TSPEAR: variants seen among roughly 807,000 people sequenced by gnomAD.
TSPEAR encodes thrombospondin-type laminin G domain and EAR repeat-containing protein.
TSPEAR carries 69 observed loss-of-function variants against 71.6 expected under a neutral mutation model. That is an observed-to-expected ratio of 0.96 (90% CI 0.79 to 1.18). The LOEUF (loss-of-function observed/expected upper bound fraction) is 1.18, where lower values mean the gene tolerates loss of function less well. Among genes scored for constraint, TSPEAR ranks in the 50% most tolerant of loss-of-function variants. The pLI is 0.00. For missense variants in TSPEAR, 971 were observed against 894.9 expected (o/e 1.09, Z -1.09); for synonymous variants, 402 against 387.2 (o/e 1.04, Z -0.45).
intron 9 of TSPEAR, among the ~76,000 whole-genome samples, chr21:44,513,710 G>A (rs2052467706): frequency 6.6e-6 from 1 of 152,186 alleles, no homozygotes; most frequent in Admixed American, 6.5e-5. Flanking sequence ...AGAGGCCCTT[G>A]GGTTCCGGCT....
intron 1 of TSPEAR, chr21:44,574,935 C>A: frequency 6.2e-7 from 1 of 1,605,118 alleles, no homozygotes; most frequent in Non-Finnish European, 8.5e-7. Context: ...CAGCTGCTGC[C>A]GCCCAGCCTC....
intron 1 of TSPEAR, among the ~76,000 whole-genome samples, chr21:44,662,815 G>A (rs944060827): frequency 6.6e-6 from 1 of 152,048 alleles, no homozygotes; most frequent in Non-Finnish European, 1.5e-5. Flanking sequence ...AAAGGATAGC[G>A]AGAAACACCC....
intron 9 of TSPEAR, among the ~76,000 whole-genome samples, chr21:44,510,230 C>T (rs1186812860): frequency 1.3e-5 from 2 of 152,164 alleles, no homozygotes; most frequent in African/African-American, 4.8e-5. Context: ...GGCTGCTTCC[C>T]TGGGGACAGT....
At chr21:44,572,982 G>T (rs587650851) in intron 1 of TSPEAR, among the ~76,000 whole-genome samples, 1 of 151,828 alleles carries the variant, frequency 6.6e-6, no homozygotes, top group Non-Finnish European at 1.5e-5. Context: ...TGAGGGGAGC[G>T]GGGTGAGACA....
At position 44,683,199 on chromosome 21, in the gene TSPEAR, A is replaced by G. The variant is rs148816620; in HGVS notation, c.82+28234T>C. Among the ~76,000 whole-genome samples the G allele has an allele frequency of 1.1e-4, 16 of 152,258 alleles. No homozygotes were observed. In the East Asian group the frequency reaches 3.1e-3, roughly 29 times the overall value. ...GAATGTGAGTCCCACCAAGATACAG[A>G]GTGTTCCAAGTTGTAGATGCTTCCC... On this transcript the variant is annotated intron_variant, in intron 1 of 11. Coordinates refer to ENST00000323084, the MANE Select transcript of TSPEAR (RefSeq NM_144991.3).
intron 1 of TSPEAR, chr21:44,574,834 C>A: frequency 6.2e-7 from 1 of 1,614,024 alleles, no homozygotes; most frequent in Non-Finnish European, 8.5e-7. Flanking sequence ...AGACCCTCCT[C>A]CTCCGTGTCC....
At chr21:44,681,891 G>A in intron 1 of TSPEAR, 2 of 1,614,160 alleles carry the variant, frequency 1.2e-6, no homozygotes, top group Non-Finnish European at 1.7e-6. Flanking sequence ...GGTGCAGGAA[G>A]GCTGGCAGCA....
intron 1 of TSPEAR, among the ~76,000 whole-genome samples, chr21:44,641,216 G>A (rs1210640144): frequency 1.3e-5 from 2 of 152,150 alleles, no homozygotes; most frequent in Non-Finnish European, 2.9e-5. Flanking sequence ...GAGAAGCAAA[G>A]TCTGAACAAG....
chr21:44,645,524 T>G (rs906866939), intron 1 of TSPEAR, among the ~76,000 whole-genome samples: 3 of 151,950 alleles, frequency 2.0e-5, no homozygotes, highest in African/African-American at 7.3e-5. Context: ...GGCTAATTTT[T>G]TGTATTTTTA....
chr21:44,601,476 T>A (rs781789426), intron 1 of TSPEAR: 5 of 1,608,054 alleles, frequency 3.1e-6, no homozygotes, highest in South Asian at 2.2e-5. Flanking sequence ...GGGCTTCCAC[T>A]TCATGCTGCC....
intron 2 of TSPEAR, among the ~76,000 whole-genome samples, chr21:44,564,222 A>C (rs1209420879): frequency 6.6e-6 from 1 of 152,228 alleles, no homozygotes; most frequent in Non-Finnish European, 1.5e-5. Flanking sequence ...ATTACAAATT[A>C]ATTTTAGAGA....
At chr21:44,661,857 C>A (rs1026357609) in intron 1 of TSPEAR, among the ~76,000 whole-genome samples, 1 of 152,052 alleles carries the variant, frequency 6.6e-6, no homozygotes, top group Admixed American at 6.5e-5. Context: ...AAGGGGATGA[C>A]GCTTAACCAT....
At chr21:44,631,209 G>C (rs183613027) in intron 1 of TSPEAR, among the ~76,000 whole-genome samples, 2 of 152,194 alleles carry the variant, frequency 1.3e-5, no homozygotes, top group Admixed American at 1.3e-4. Flanking sequence ...AAAGAACAAA[G>C]AGAAACTAAG....
At chr21:44,644,657 G>T (rs2838610) in intron 1 of TSPEAR, among the ~76,000 whole-genome samples, 116,822 of 152,002 alleles carry the variant, frequency 0.77, 45,209 homozygotes, top group African/African-American at 0.86. Flanking sequence ...TGATGTCCAA[G>T]GAAACAAGAA....
intron 1 of TSPEAR, among the ~76,000 whole-genome samples, chr21:44,624,615 T>C (rs1473871175): frequency 6.6e-6 from 1 of 152,204 alleles, no homozygotes; most frequent in African/African-American, 2.4e-5. Flanking sequence ...CTTCTTTCCG[T>C]TTTTTCCTTC....
intron 2 of TSPEAR, among the ~76,000 whole-genome samples, chr21:44,547,171 A>G (rs1476726248): frequency 6.6e-6 from 1 of 152,172 alleles, no homozygotes; most frequent in Non-Finnish European, 1.5e-5. Flanking sequence ...TTGAAACCCT[A>G]TCATGAATTA....
chr21:44,614,398 G>A (rs1399717464), intron 1 of TSPEAR, among the ~76,000 whole-genome samples: 5 of 152,240 alleles, frequency 3.3e-5, no homozygotes, highest in African/African-American at 7.2e-5. Flanking sequence ...AAGAGGCACC[G>A]TCCCCAGGGG....
intron 1 of TSPEAR, chr21:44,628,262 C>T: frequency 2.0e-6 from 1 of 507,672 alleles, no homozygotes; most frequent in East Asian, 3.0e-5. Context: ...TGCTTCCTGG[C>T]TGCAGACCAC....
At chr21:44,586,904 C>T (rs1555925762) in intron 1 of TSPEAR, among the ~76,000 whole-genome samples, 1 of 152,114 alleles carries the variant, frequency 6.6e-6, no homozygotes, top group African/African-American at 2.4e-5. Context: ...TAATAAAAGC[C>T]ATCTATGACA....
Sources: gnomAD v4.1 joint callset for allele counts (sites outside exome capture counted in the v4.1 genomes callset) on GRCh38, gnomAD v4.1.1 for gene constraint, MANE v1.5 for transcripts, NCBI Gene and HGNC (gene_info 2026-07-23, HGNC 2026-07-21) for gene names.